The following KLHL29 variants were observed in gnomAD, a reference collection of about 807,000 sequenced individuals.
The protein encoded by KLHL29 is kelch-like protein 29.
KLHL29 carries 21 observed loss-of-function variants against 80.4 expected under a neutral mutation model. The observed-to-expected ratio is 0.26, with a 90% CI of 0.19 to 0.38. KLHL29 has a LOEUF of 0.38. KLHL29 is among the 10% of genes least tolerant of loss of function. The pLI, the probability that KLHL29 is intolerant of heterozygous loss-of-function variation, is 1.00. For missense variants in KLHL29, 867 were observed against 1,223.9 expected (o/e 0.71, Z 4.35); for synonymous variants, 511 against 526.8 (o/e 0.97, Z 0.41).
chr2:23,446,808 T>C (rs1029276588), intron 1 of KLHL29, among the ~76,000 whole-genome samples: 1 of 152,180 alleles, frequency 6.6e-6, no homozygotes, highest in African/African-American at 2.4e-5. Flanking sequence ...CAAGCAGTTC[T>C]GGAGTATATA....
chr2:23,429,255 C>T (rs1426910077), intron 1 of KLHL29, among the ~76,000 whole-genome samples: 1 of 152,210 alleles, frequency 6.6e-6, no homozygotes, highest in Admixed American at 6.5e-5. Context: ...TGCTTTTGTG[C>T]AGCCCAGGGA....
At chr2:23,601,091 G>A (rs1668556558) in intron 3 of KLHL29, among the ~76,000 whole-genome samples, 2 of 152,208 alleles carry the variant, frequency 1.3e-5, no homozygotes, top group Admixed American at 1.3e-4. Flanking sequence ...ATAGTTTGGA[G>A]TTGAAATTGG....
At chr2:23,415,859 C>T (rs991961914) in intron 1 of KLHL29, among the ~76,000 whole-genome samples, 1 of 152,058 alleles carries the variant, frequency 6.6e-6, no homozygotes, top group Non-Finnish European at 1.5e-5. Context: ...CCACCACACC[C>T]TGTATATATT....
chr2:23,544,572 T>G (rs1002490769), intron 2 of KLHL29, among the ~76,000 whole-genome samples: 2 of 152,114 alleles, frequency 1.3e-5, no homozygotes, highest in African/African-American at 2.4e-5. Flanking sequence ...GAAATCTAAG[T>G]AAGTAAACTA....
intron 3 of KLHL29, among the ~76,000 whole-genome samples, chr2:23,583,305 C>T (rs921916464): frequency 8.5e-5 from 13 of 152,188 alleles, no homozygotes; most frequent in African/African-American, 2.7e-4. Flanking sequence ...AAGGTCCATC[C>T]GCGTGGGACT....
chr2:23,481,741 C>T (rs1017347502), intron 2 of KLHL29, among the ~76,000 whole-genome samples: 11 of 152,172 alleles, frequency 7.2e-5, no homozygotes, highest in African/African-American at 1.7e-4. Flanking sequence ...CATGGCGAAA[C>T]GCTGTCTCTA....
intron 3 of KLHL29, among the ~76,000 whole-genome samples, chr2:23,587,666 C>T (rs1668153435): frequency 6.6e-6 from 1 of 152,226 alleles, no homozygotes; most frequent in African/African-American, 2.4e-5. Flanking sequence ...AGAATTCTAA[C>T]TGCGCTGTGT....
chr2:23,596,772 A>G lies in KLHL29; in HGVS notation c.285+34291A>G, dbSNP rs1488965863. Among the ~76,000 whole-genome samples, 1 of 152,204 alleles carries G rather than the reference A, an allele frequency of 6.6e-6. No homozygotes were observed. Among genetic ancestry groups the G allele is most frequent in the Non-Finnish European group, 1.5e-5 (1 of 68,026 alleles). On this transcript the variant is annotated intron_variant, in intron 3 of 13. Transcript: ENST00000486442. This position sits in a 1 kb window ranked among gnomAD's most constrained non-coding sequence, Gnocchi z 4.4. The stretch of plus-strand genomic sequence containing the variant: ...ACACAACGGCGAAATTATTTTCTTC[A>G]TCTCAGAAACAGGTTCCCCCAGGAG...
intron 5 of KLHL29, among the ~76,000 whole-genome samples, chr2:23,649,043 T>C (rs1431920293): frequency 2.6e-5 from 4 of 152,242 alleles, no homozygotes; most frequent in African/African-American, 9.6e-5. Flanking sequence ...ATATTAGCTG[T>C]TGTTATGACC....
chr2:23,585,832 A>AG (rs1163327447), intron 3 of KLHL29, among the ~76,000 whole-genome samples: 1 of 152,220 alleles, frequency 6.6e-6, no homozygotes. Context: ...TCCAAGCAAT[A>AG]GCAGACTCTG....
intron 1 of KLHL29, among the ~76,000 whole-genome samples, chr2:23,386,298 C>T (rs1279142739): frequency 6.6e-6 from 1 of 152,170 alleles, no homozygotes; most frequent in African/African-American, 2.4e-5. Flanking sequence ...GTTTTCTGCC[C>T]CTCGCGTCCT....
At chr2:23,418,680 G>A (rs546758956) in intron 1 of KLHL29, among the ~76,000 whole-genome samples, 28 of 152,256 alleles carry the variant, frequency 1.8e-4, no homozygotes, top group South Asian at 6.2e-4. Context: ...GATGGTAACC[G>A]GGGGCCCAGG....
intron 2 of KLHL29, among the ~76,000 whole-genome samples, chr2:23,515,929 G>C (rs1246784715): frequency 1.3e-5 from 2 of 152,172 alleles, no homozygotes; most frequent in Non-Finnish European, 2.9e-5. Flanking sequence ...ATTGATAGCT[G>C]TCCCCACAAA....
intron 3 of KLHL29, among the ~76,000 whole-genome samples, chr2:23,602,312 G>A (rs1037556521): frequency 3.9e-5 from 6 of 152,188 alleles, no homozygotes; most frequent in Admixed American, 2.0e-4. Flanking sequence ...CAAAGCAGGC[G>A]TATTGTGTTA....
chr2:23,500,480 G>T (rs912736269), intron 2 of KLHL29, among the ~76,000 whole-genome samples: 1 of 152,212 alleles, frequency 6.6e-6, no homozygotes, highest in East Asian at 1.9e-4. Flanking sequence ...CAAGACCAAT[G>T]TTAGGAAAAC....
In KLHL29 at chr2:23,708,378, C is replaced by T. The variant is rs1350607584; in HGVS notation, c.*1714C>T. 1.3e-5 allele frequency: 2 copies of T among 152,190 alleles called. No homozygotes were observed. Among genetic ancestry groups the T allele is most frequent in the East Asian group, 3.8e-4 (2 of 5,204 alleles). 9.4% of individuals were successfully genotyped at this position (152,190 alleles called of 1,614,324 possible). On this transcript the variant is annotated 3_prime_UTR_variant, in exon 14 of 14. Coordinates refer to ENST00000486442, the MANE Select transcript of KLHL29 (RefSeq NM_052920.2). ...AAATTCCTAACTGCCTGGGGCAGGG[C>T]TAATGTTAGCATTGGTGTGCGTCTG...
intron 1 of KLHL29, among the ~76,000 whole-genome samples, chr2:23,387,247 C>G (rs542619948): frequency 6.6e-6 from 1 of 152,234 alleles, no homozygotes; most frequent in Non-Finnish European, 1.5e-5. Context: ...AGCGGCATCC[C>G]GGCCCGCTGC....
At chr2:23,386,686 T>C (rs1666191351) in intron 1 of KLHL29, among the ~76,000 whole-genome samples, 1 of 151,904 alleles carries the variant, frequency 6.6e-6, no homozygotes, top group Non-Finnish European at 1.5e-5. Flanking sequence ...CTGAGAGCGC[T>C]AGGGTTATCT....
At chr2:23,524,224 C>G (rs1343408817) in intron 2 of KLHL29, 2 of 301,824 alleles carry the variant, frequency 6.6e-6, no homozygotes, top group Middle Eastern at 9.6e-4. Context: ...CCCAAGTGCC[C>G]GGCTCCTCAT....
Sources: allele counts gnomAD v4.1 joint callset (sites outside exome capture counted in the v4.1 genomes callset), GRCh38; gene constraint gnomAD v4.1.1; non-coding constraint Gnocchi (gnomAD v3.1); transcripts MANE v1.5; gene names NCBI Gene and HGNC (gene_info 2026-07-23, HGNC 2026-07-21).